CELF2: variants seen among roughly 807,000 people sequenced by gnomAD.
CELF2 encodes CUGBP Elav-like family member 2, also known as CUG triplet repeat RNA-binding protein 2.
Under a neutral mutation model 62.6 loss-of-function variants are expected in CELF2, and 8 were observed. That is an observed-to-expected ratio of 0.13 (90% CI 0.07 to 0.23). The LOEUF (loss-of-function observed/expected upper bound fraction) is 0.23. Among genes scored for constraint, CELF2 ranks in the 10% least tolerant of loss-of-function variants. The pLI is 1.00. For missense variants in CELF2, 333 were observed against 671.0 expected (o/e 0.50, Z 5.56); for synonymous variants, 258 against 250.0 (o/e 1.03, Z -0.30).
rs2095432552 is a variant in CELF2 at position 11,321,468 on chromosome 10, T to C, written c.1294+82T>C. ...TAGAGCACGGTTAGAAGGTATCAAA[T>C]TGAACTGAACCCATGTCATAACAGA... On this transcript the variant is annotated intron_variant, in intron 11 of 12. Transcript: ENST00000633077. This position sits in a 1 kb window ranked among gnomAD's most constrained non-coding sequence, Gnocchi z 6.2. 2 of 1,107,792 alleles carry C rather than the reference T, an allele frequency of 1.8e-6. No homozygotes were observed. The highest frequency in any genetic ancestry group is 2.4e-5 in the Admixed American group (1 of 42,172). 68.6% of individuals were successfully genotyped at this position (1,107,792 alleles called of 1,614,324 possible). A position where few individuals can be genotyped will look rare whatever the true frequency, so the allele number is the denominator to read the frequency against.
intron 1 of CELF2, among the ~76,000 whole-genome samples, chr10:10,821,943 T>A: frequency 6.6e-6 from 1 of 152,172 alleles, no homozygotes; most frequent in East Asian, 1.9e-4. Context: ...ATTACTTTAT[T>A]AAAAGACAAG....
the CELF2 span, among the ~76,000 whole-genome samples, chr10:10,698,030 G>A: frequency 8.5e-3 from 1,294 of 152,274 alleles, 7 homozygotes; most frequent in African/African-American, 0.012. Context: ...CTGACCTGAG[G>A]TGATCCGCCC....
At chr10:11,069,228 G>C (rs1159425846) in intron 1 of CELF2, among the ~76,000 whole-genome samples, 1 of 152,120 alleles carries the variant, frequency 6.6e-6, no homozygotes, top group Non-Finnish European at 1.5e-5. Flanking sequence ...AAAAATCTCT[G>C]GTTGAACAGA....
the CELF2 span, among the ~76,000 whole-genome samples, chr10:10,514,844 T>G: frequency 6.6e-6 from 1 of 152,074 alleles, no homozygotes; most frequent in Non-Finnish European, 1.5e-5. Flanking sequence ...AGAGCGTGAG[T>G]GTTAATTCCT....
At chr10:10,780,819 G>A in the CELF2 span, among the ~76,000 whole-genome samples, 7 of 152,188 alleles carry the variant, frequency 4.6e-5, no homozygotes, top group Non-Finnish European at 8.8e-5. Context: ...TATAATCCCA[G>A]CCTGTGGTAT....
At position 11,159,360 on chromosome 10, in the gene CELF2, G is replaced by A. The variant is rs1472762706; in HGVS notation, c.75-6126G>A. On this transcript the variant is annotated intron_variant, in intron 1 of 12. Coordinates refer to ENST00000633077, the MANE Select transcript of CELF2 (RefSeq NM_001326342.2). The surrounding 1 kb of genome is among the most constrained non-coding windows in gnomAD (Gnocchi z 5.0). ...GAAAGGTGGCAAACTCTGCCCTGCC[G>A]AAAGGCAGTCATGGAAGACAGACGC... 6.6e-6 allele frequency among the ~76,000 whole-genome samples: 1 copy of A among 152,238 alleles called. No homozygotes were observed. The highest frequency in any genetic ancestry group is 1.5e-5 in the Non-Finnish European group (1 of 68,040).
the CELF2 span, among the ~76,000 whole-genome samples, chr10:10,792,045 G>GGGAGGAAGGAAGGAGGGAGAGAT: frequency 7.9e-6 from 1 of 126,158 alleles, no homozygotes; most frequent in Non-Finnish European, 1.8e-5. Context: ...GAGGGAGAGA[G>GGGAGGAAGGAAGGAGGGAGAGAT]GGAGGAAGGA....
chr10:10,652,635 G>A, the CELF2 span, among the ~76,000 whole-genome samples: 4 of 151,382 alleles, frequency 2.6e-5, no homozygotes, highest in Admixed American at 6.6e-5. Flanking sequence ...CTTCATAAGC[G>A]AAGGAGAAAT....
At chr10:10,816,422 C>T (rs903917958) in intron 1 of CELF2, among the ~76,000 whole-genome samples, 8 of 152,178 alleles carry the variant, frequency 5.3e-5, no homozygotes, top group African/African-American at 1.9e-4. Flanking sequence ...TACCTGATTA[C>T]AGCAATCAAG....
chr10:11,308,027 C>G (rs1379097174), intron 9 of CELF2, among the ~76,000 whole-genome samples: 1 of 152,140 alleles, frequency 6.6e-6, no homozygotes, highest in Non-Finnish European at 1.5e-5. Context: ...TGTTTTGTGT[C>G]TTGTGTTTTG....
At chr10:10,850,115 C>T (rs188718018) in intron 1 of CELF2, among the ~76,000 whole-genome samples, 2,466 of 152,148 alleles carry the variant, frequency 0.016, 74 homozygotes, top group African/African-American at 0.056. Context: ...CGCCACTGTA[C>T]TCCAGCCCAG....
chr10:10,564,405 C>T, the CELF2 span, among the ~76,000 whole-genome samples: 4 of 152,054 alleles, frequency 2.6e-5, no homozygotes, highest in African/African-American at 7.2e-5. Flanking sequence ...AAAAAGCGAA[C>T]ATTTTGATTT....
intron 2 of CELF2, among the ~76,000 whole-genome samples, chr10:10,982,656 G>C (rs762357028): frequency 2.0e-5 from 3 of 152,150 alleles, no homozygotes; most frequent in African/African-American, 7.2e-5. Context: ...TGTAGTTCCA[G>C]CTTTGATCTG....
At chr10:11,017,841 G>T (rs1296028106), upstream of CELF2, 3 of 599,238 alleles carry the variant, frequency 5.0e-6, no homozygotes, top group Non-Finnish European at 6.3e-6. The surrounding 1 kb of genome is among the most constrained non-coding windows in gnomAD (Gnocchi z 5.5). Flanking sequence ...GCCCGCAGGG[G>T]TTAAGCGGCG....
At chr10:10,703,559 C>T in the CELF2 span, among the ~76,000 whole-genome samples, 1 of 152,298 alleles carries the variant, frequency 6.6e-6, no homozygotes, top group Admixed American at 6.5e-5. Flanking sequence ...CTGGCACTGG[C>T]TGTCAATCAT....
At chr10:10,795,222 G>A (rs2054070806), upstream of CELF2, among the ~76,000 whole-genome samples, 2 of 149,052 alleles carry the variant, frequency 1.3e-5, no homozygotes, top group African/African-American at 2.5e-5. Context: ...CACGAATGTT[G>A]CATTATATGG....
Position 11,336,479 on chromosome 10 carries a change from T to C in CELF2, c.*7426T>C, listed in dbSNP as rs1277591489. The C allele has an allele frequency of 2.0e-5, 3 of 152,666 alleles. No individual in the cohort carries two copies. Among genetic ancestry groups the C allele is most frequent in the Non-Finnish European group, 4.4e-5 (3 of 68,042 alleles). The allele number at this position is 152,666 out of a possible 1,614,324, so 9.5% of individuals were successfully genotyped here. On this transcript the variant is annotated 3_prime_UTR_variant, in exon 13 of 13. Transcript: ENST00000633077. This position sits in a 1 kb window ranked among gnomAD's most constrained non-coding sequence, Gnocchi z 5.4. Reference sequence around the variant, plus strand: ...GATGTGTCTTATATATATTGAACTATATAGTACTCGATTTCTTAAATAAAG... The same window carrying C: ...GATGTGTCTTATATATATTGAACTACATAGTACTCGATTTCTTAAATAAAG...
the CELF2 span, among the ~76,000 whole-genome samples, chr10:10,663,254 G>T: frequency 2.1e-4 from 32 of 152,206 alleles, no homozygotes; most frequent in African/African-American, 7.2e-4. Context: ...ATTAATCTCT[G>T]GTTATTTCTC....
chr10:10,996,935 T>G (rs1209732761), intron 2 of CELF2, among the ~76,000 whole-genome samples: 1 of 152,234 alleles, frequency 6.6e-6, no homozygotes, highest in East Asian at 1.9e-4. Flanking sequence ...TTTGGTTGCC[T>G]TCTTGGTCAA....
Sources: gnomAD v4.1 joint callset for allele counts (sites outside exome capture counted in the v4.1 genomes callset) on GRCh38, gnomAD v4.1.1 for gene constraint, Gnocchi (gnomAD v3.1) non-coding constraint, MANE v1.5 for transcripts, NCBI Gene and HGNC (gene_info 2026-07-23, HGNC 2026-07-21) for gene names.